The following MNAT1 variants were observed in gnomAD, a reference collection of about 807,000 sequenced individuals.
The protein encoded by MNAT1 is MNAT1 component of CDK activating kinase, also known as CDK-activating kinase assembly factor MAT1.
MNAT1 carries 43 observed loss-of-function variants against 42.0 expected under a neutral mutation model. The observed-to-expected ratio is 1.02, with a 90% CI of 0.80 to 1.32. MNAT1 has a LOEUF of 1.32. Ranked by LOEUF, MNAT1 falls within the 40% of genes most tolerant of loss-of-function variation. The pLI, the probability that MNAT1 is intolerant of heterozygous loss-of-function variation, is 0.00. For synonymous variants in MNAT1, 118 were observed against 120.0 expected (o/e 0.98, Z 0.11); for missense variants, 306 against 350.4 (o/e 0.87, Z 1.01).
chr14:60,802,767 G>A (rs1025498528), intron 3 of MNAT1, among the ~76,000 whole-genome samples: 2 of 152,216 alleles, frequency 1.3e-5, no homozygotes, highest in Non-Finnish European at 1.5e-5. Flanking sequence ...GTAAACCCGG[G>A]AGAATAGGCA....
intron 7 of MNAT1, among the ~76,000 whole-genome samples, chr14:60,944,069 A>G (rs907334401): frequency 1.3e-5 from 2 of 152,234 alleles, no homozygotes; most frequent in Non-Finnish European, 1.5e-5. Context: ...TGGCATTTCT[A>G]TAATTAACTA....
At chr14:60,752,668 GCAAA>G (rs905202808) in intron 1 of MNAT1, among the ~76,000 whole-genome samples, 5 of 152,008 alleles carry the variant, frequency 3.3e-5, no homozygotes, top group Admixed American at 1.3e-4. Context: ...CTGTCTCAAA[GCAAA>G]CAAACAAAAA....
Position 60,969,085 on chromosome 14 carries a change from G to A in MNAT1, c.*736G>A, listed in dbSNP as rs2036733615. 1 of 152,380 alleles carries A rather than the reference G, an allele frequency of 6.6e-6. No homozygotes were observed. The highest frequency in any genetic ancestry group is 6.5e-5 in the Admixed American group (1 of 15,278). 9.4% of individuals were successfully genotyped at this position (152,380 alleles called of 1,614,324 possible). A position where few individuals can be genotyped will look rare whatever the true frequency, so the allele number is the denominator to read the frequency against. The stretch of plus-strand genomic sequence containing the variant: ...TTAAATGATACCTTTCACCTCCAAT[G>A]TAAGCTCATTTTATGATGAATCCTT... On this transcript the variant is annotated 3_prime_UTR_variant, in exon 8 of 8. Coordinates refer to ENST00000261245, the MANE Select transcript of MNAT1 (RefSeq NM_002431.4).
At chr14:60,965,741 C>CT (rs764848340) in intron 7 of MNAT1, among the ~76,000 whole-genome samples, 2 of 152,136 alleles carry the variant, frequency 1.3e-5, no homozygotes, top group Non-Finnish European at 2.9e-5. Context: ...AAGTGAACAT[C>CT]TATTGAAGCT....
Position 60,968,436 on chromosome 14 carries a change from C to A in MNAT1, c.*87C>A. On this transcript the variant is annotated 3_prime_UTR_variant, in exon 8 of 8. Coordinates refer to ENST00000261245, the MANE Select transcript of MNAT1 (RefSeq NM_002431.4). ...ATAAAATTATAGCTATGTGCAGCTGCACAACACAGTCCTTCCACTAGCAGC... is the reference window on the plus strand; with the variant it reads ...ATAAAATTATAGCTATGTGCAGCTGAACAACACAGTCCTTCCACTAGCAGC... 1.3e-6 allele frequency: 2 copies of A among 1,545,998 alleles called. No homozygotes were observed. The highest frequency in any genetic ancestry group is 8.7e-7 in the Non-Finnish European group (1 of 1,148,994).
At position 60,740,589 on chromosome 14, in the gene MNAT1, C is replaced by T. The variant is rs147342016; in HGVS notation, c.89+5638C>T. 6.6e-6 allele frequency among the ~76,000 whole-genome samples: 1 copy of T among 152,056 alleles called. No homozygotes were observed. The highest frequency in any genetic ancestry group is 1.5e-5 in the Non-Finnish European group (1 of 68,022). On this transcript the variant is annotated intron_variant, in intron 1 of 7. Coordinates refer to ENST00000261245, the MANE Select transcript of MNAT1 (RefSeq NM_002431.4). The surrounding 1 kb of genome is among the most constrained non-coding windows in gnomAD (Gnocchi z 4.1). ...TTTAATATACTGATCTTATTCAGTA[C>T]CTTTGTGCAAATTGGGAAACAGAGC... is the stretch of plus-strand genomic sequence containing the variant.
intron 1 of MNAT1, among the ~76,000 whole-genome samples, chr14:60,752,939 A>C (rs956496381): frequency 2.6e-5 from 4 of 151,968 alleles, no homozygotes; most frequent in Admixed American, 2.6e-4. Context: ...TAATTTTTGT[A>C]TTTTTAGTAG....
At chr14:60,966,757 G>T (rs983978729) in intron 7 of MNAT1, among the ~76,000 whole-genome samples, 1 of 152,094 alleles carries the variant, frequency 6.6e-6, no homozygotes. Context: ...CAGATGATCC[G>T]CCCACCTTGG....
chr14:60,779,466 C>G (rs1002432668), intron 1 of MNAT1, among the ~76,000 whole-genome samples: 1 of 152,114 alleles, frequency 6.6e-6, no homozygotes, highest in Non-Finnish European at 1.5e-5. Flanking sequence ...GAAAGTTTCC[C>G]GTGGAAACAA....
chr14:60,777,803 A>G (rs538042362), intron 1 of MNAT1, among the ~76,000 whole-genome samples: 69 of 152,318 alleles, frequency 4.5e-4, no homozygotes, highest in African/African-American at 1.5e-3. Context: ...AGGAGTATCT[A>G]TCTTCTATAG....
At chr14:60,889,179 A>G (rs561449781) in intron 7 of MNAT1, among the ~76,000 whole-genome samples, 1 of 152,214 alleles carries the variant, frequency 6.6e-6, no homozygotes, top group Admixed American at 6.5e-5. Context: ...TGGAGGCATC[A>G]CACTACCTGA....
At chr14:60,758,945 T>A (rs561348969) in intron 1 of MNAT1, among the ~76,000 whole-genome samples, 1 of 152,336 alleles carries the variant, frequency 6.6e-6, no homozygotes, top group South Asian at 2.1e-4. Context: ...ATTGATGTTT[T>A]AGGAAGACGC....
intron 1 of MNAT1, among the ~76,000 whole-genome samples, chr14:60,747,650 C>T (rs1268182723): frequency 6.6e-6 from 1 of 152,086 alleles, no homozygotes; most frequent in Non-Finnish European, 1.5e-5. Context: ...ATGTTAAGGC[C>T]TAGGATATTA....
chr14:60,905,513 A>T (rs562186552), intron 7 of MNAT1, among the ~76,000 whole-genome samples: 1 of 152,340 alleles, frequency 6.6e-6, no homozygotes, highest in East Asian at 1.9e-4. Flanking sequence ...AAGTCCCATG[A>T]TATGCTATCA....
chr14:60,780,466 A>G (rs1354882273), intron 1 of MNAT1: 2 of 1,538,506 alleles, frequency 1.3e-6, no homozygotes, highest in African/African-American at 1.4e-5. Context: ...ATTTGGTTGT[A>G]CCTGAAAAAT....
intron 6 of MNAT1, among the ~76,000 whole-genome samples, chr14:60,823,255 A>C (rs1424049317): frequency 6.6e-6 from 1 of 152,146 alleles, no homozygotes; most frequent in African/African-American, 2.4e-5. Flanking sequence ...CCCTTTAGCT[A>C]TCCCTGAATT....
intron 7 of MNAT1, among the ~76,000 whole-genome samples, chr14:60,916,287 T>C (rs2035509918): frequency 6.6e-6 from 1 of 152,228 alleles, no homozygotes; most frequent in Non-Finnish European, 1.5e-5. Context: ...ATCAGTGTTT[T>C]TTAGACTGTA....
At chr14:60,967,245 A>C (rs1250200202) in intron 7 of MNAT1, among the ~76,000 whole-genome samples, 2 of 152,192 alleles carry the variant, frequency 1.3e-5, no homozygotes, top group Admixed American at 1.3e-4. Flanking sequence ...TAGAAGTTAT[A>C]AGTTGCTCAT....
intron 1 of MNAT1, among the ~76,000 whole-genome samples, chr14:60,783,559 T>A (rs2031537706): frequency 1.3e-5 from 2 of 152,046 alleles, no homozygotes; most frequent in African/African-American, 4.8e-5. Flanking sequence ...TGCAGTGGTG[T>A]GATCTTGGCT....
Sources: gnomAD v4.1 joint callset for allele counts (sites outside exome capture counted in the v4.1 genomes callset) on GRCh38, gnomAD v4.1.1 for gene constraint, Gnocchi (gnomAD v3.1) non-coding constraint, MANE v1.5 for transcripts, NCBI Gene and HGNC (gene_info 2026-07-23, HGNC 2026-07-21) for gene names.